Variants in HOXD11 observed in about 807,000 individuals in gnomAD.
HOXD11 encodes homeobox D11.
A neutral mutation model predicts 23.1 loss-of-function variants in HOXD11; 16 were observed. That is an observed-to-expected ratio of 0.69 (90% CI 0.47 to 1.05). HOXD11 has a LOEUF of 1.05. Ranked by LOEUF, HOXD11 falls within the 50% of genes least tolerant of loss-of-function variation. The probability of loss-of-function intolerance (pLI) is 0.00; values close to 1 mark genes in which losing one functional copy is unlikely to be tolerated. For missense variants in HOXD11, 564 were observed against 495.6 expected, an observed-to-expected ratio of 1.14 and a Z score of -1.31; for synonymous variants, 262 against 224.4, an observed-to-expected ratio of 1.17 and a Z score of -1.50.
Position 176,107,816 on chromosome 2 carries a change from C to G in HOXD11, c.461C>G (p.Pro154Arg), listed in dbSNP as rs1475176204. The change falls in exon 1 of 2, where the codon CCG becomes CGG. Residue 154 changes from proline (P) to arginine (R), a missense_variant. Pro to Arg is a moderately radical substitution (Grantham distance 103, BLOSUM62 -2). Transcript: ENST00000249504. ...PEPVCAAPGP[P>R]HGPAGAASNF... The stretch of plus-strand genomic sequence containing the variant: ...CCGGTGTGCGCTGCGCCGGGGCCGC[C>G]GCACGGCCCCGCGGGCGCCGCCTCC... The G allele has an allele frequency of 7.1e-7, 1 of 1,405,354 alleles. No homozygotes were observed. The highest frequency in any genetic ancestry group is 3.2e-5 in the East Asian group (1 of 30,868). The allele number at this position is 1,405,354 out of a possible 1,614,324, so 87.1% of individuals were successfully genotyped here.
Position 176,107,688 on chromosome 2 carries a change from G to C in HOXD11, c.333G>C (p.Ala111=). 1 of 998,772 alleles carries C rather than the reference G, an allele frequency of 1.0e-6. No individual in the cohort carries two copies. Among genetic ancestry groups the C allele is most frequent in the Non-Finnish European group, 1.2e-6 (1 of 841,638 alleles). 61.9% of individuals were successfully genotyped at this position (998,772 alleles called of 1,614,324 possible). A position where few individuals can be genotyped will look rare whatever the true frequency, so the allele number is the denominator to read the frequency against. The change falls in exon 1 of 2, where the codon GCG becomes GCC. Residue 111 remains alanine (A), a synonymous_variant. Transcript: ENST00000249504. Reference sequence around the variant, plus strand: ...ACGCTCCCTACTACGCGGCGGCGGCGGCGGCGGCTGCGGCGGCCGCGGCGG... The same window carrying C: ...ACGCTCCCTACTACGCGGCGGCGGCCGCGGCGGCTGCGGCGGCCGCGGCGG... ...GGYAPYYAAA[A]AAAAAAAAAE... is the part of the protein sequence containing the mutation.
At chr2:176,110,543 A>C (rs144789279), downstream of HOXD11, among the ~76,000 whole-genome samples, 82 of 152,362 alleles carry the variant, frequency 5.4e-4, no homozygotes, top group African/African-American at 1.9e-3. Flanking sequence ...TGCACTTCAA[A>C]ATGCAATTAA....
chr2:176,110,810 A>G (rs1689663234), downstream of HOXD11, among the ~76,000 whole-genome samples: 1 of 152,338 alleles, frequency 6.6e-6, no homozygotes, highest in South Asian at 2.1e-4. Flanking sequence ...TTCAGGATCA[A>G]TAACCTTAAT....
the HOXD11 span, among the ~76,000 whole-genome samples, chr2:176,115,544 C>G: frequency 6.6e-6 from 1 of 152,196 alleles, no homozygotes; most frequent in African/African-American, 2.4e-5. Context: ...TGTGTGGCAA[C>G]AGCGGGCATA....
Position 176,109,659 on chromosome 2 carries a change from A to T in HOXD11, c.*517A>T. The T allele has an allele frequency of 4.8e-6, 1 of 207,606 alleles. No individual in the cohort carries two copies. The highest frequency in any genetic ancestry group is 9.8e-6 in the Non-Finnish European group (1 of 101,984). The allele number at this position is 207,606 out of a possible 1,614,324, so 12.9% of individuals were successfully genotyped here. A position where few individuals can be genotyped will look rare whatever the true frequency, so the allele number is the denominator to read the frequency against. On this transcript the variant is annotated 3_prime_UTR_variant, in exon 2 of 2. Coordinates refer to ENST00000249504, the MANE Select transcript of HOXD11 (RefSeq NM_021192.3). ...AAAATGGAGGTTACAGCTTCAATAC[A>T]CTGTATGAATTCTCCTCTTTGAGGT... is the stretch of plus-strand genomic sequence containing the variant.
rs576094341 is a variant in HOXD11 at position 176,109,199 on chromosome 2, C to T, written c.*57C>T. ...ACTCACCCACCCTCCTTCCCACCAGCCTGCTCTCCGCAGGCCCACTGTCCT... is the reference window on the plus strand; with the variant it reads ...ACTCACCCACCCTCCTTCCCACCAGTCTGCTCTCCGCAGGCCCACTGTCCT... On this transcript the variant is annotated 3_prime_UTR_variant, in exon 2 of 2. Coordinates refer to ENST00000249504, the MANE Select transcript of HOXD11 (RefSeq NM_021192.3). 5.0e-5 allele frequency: 52 copies of T among 1,049,516 alleles called. No homozygotes were observed. The African/African-American group carries it at 6.3e-4, about 13-fold the overall frequency. 65.0% of individuals were successfully genotyped at this position (1,049,516 alleles called of 1,614,324 possible).
downstream of HOXD11, among the ~76,000 whole-genome samples, chr2:176,114,550 T>G (rs993334949): frequency 6.6e-6 from 1 of 152,042 alleles, no homozygotes; most frequent in African/African-American, 2.4e-5. Flanking sequence ...TAAAAGAGGT[T>G]ATTGTTTGGG....
chr2:176,109,401 G>C lies in HOXD11; in HGVS notation c.*259G>C. Reference sequence around the variant, plus strand: ...GTTACAATTTTACCGCCAGTGTGCTGTCGTTCCCCCTCCCCCTCTCCGAGT... The same window carrying C: ...GTTACAATTTTACCGCCAGTGTGCTCTCGTTCCCCCTCCCCCTCTCCGAGT... On this transcript the variant is annotated 3_prime_UTR_variant, in exon 2 of 2. Coordinates refer to ENST00000249504, the MANE Select transcript of HOXD11 (RefSeq NM_021192.3). The C allele has an allele frequency of 2.3e-6, 1 of 434,226 alleles. No individual in the cohort carries two copies. Among genetic ancestry groups the C allele is most frequent in the South Asian group, 3.1e-5 (1 of 31,932 alleles). 26.9% of individuals were successfully genotyped at this position (434,226 alleles called of 1,614,324 possible).
downstream of HOXD11, among the ~76,000 whole-genome samples, chr2:176,111,785 T>TAGGGTTG (rs1227879095): frequency 7.9e-6 from 1 of 126,612 alleles, no homozygotes; most frequent in African/African-American, 3.2e-5. Context: ...GAGCCTTGTC[T>TAGGGTTG]AGGGTTGGAC....
At chr2:176,113,418 G>C (rs542863425), downstream of HOXD11, among the ~76,000 whole-genome samples, 1 of 152,276 alleles carries the variant, frequency 6.6e-6, no homozygotes, top group Non-Finnish European at 1.5e-5. Flanking sequence ...AGGGCGTCTT[G>C]GTACAAATAT....
downstream of HOXD11, among the ~76,000 whole-genome samples, chr2:176,109,971 A>G (rs1378627397): frequency 2.6e-5 from 4 of 152,194 alleles, no homozygotes; most frequent in Admixed American, 1.3e-4. Flanking sequence ...GACAGCAACC[A>G]TTTTTAAAAA....
intron 1 of HOXD11, among the ~76,000 whole-genome samples, chr2:176,108,425 A>T (rs1329402577): frequency 4.1e-5 from 6 of 147,160 alleles, no homozygotes; most frequent in African/African-American, 1.5e-4. Flanking sequence ...AGGGAGGGAG[A>T]TTTCAAGCCA....
At chr2:176,108,243 A>G in intron 1 of HOXD11, 107 bp downstream of exon 1, 1 of 738,492 alleles carries the variant, frequency 1.4e-6, no homozygotes, top group South Asian at 2.9e-5. Flanking sequence ...CTTTATAAGC[A>G]TTCGAAGAGG....
At position 176,109,466 on chromosome 2, in the gene HOXD11, G is replaced by A. The variant is rs1292470453; in HGVS notation, c.*324G>A. On this transcript the variant is annotated 3_prime_UTR_variant, in exon 2 of 2. Transcript: ENST00000249504. Reference sequence around the variant, plus strand: ...GGCGGGGTCTGTAGGAAGTTGGGCCGGGTTGGGGGTTGCTAGAAGGCGCTG... The same window carrying A: ...GGCGGGGTCTGTAGGAAGTTGGGCCAGGTTGGGGGTTGCTAGAAGGCGCTG... 4 of 320,816 alleles carry A rather than the reference G, an allele frequency of 1.2e-5. No homozygotes were observed. Among genetic ancestry groups the A allele is most frequent in the African/African-American group, 2.1e-5 (1 of 48,084 alleles). The allele number at this position is 320,816 out of a possible 1,614,324, so 19.9% of individuals were successfully genotyped here.
downstream of HOXD11, among the ~76,000 whole-genome samples, chr2:176,113,562 G>A (rs1040682076): frequency 6.6e-6 from 1 of 152,120 alleles, no homozygotes; most frequent in African/African-American, 2.4e-5. Flanking sequence ...TGTAGAGCAC[G>A]GCCTTTTTAT....
rs141812814 is a variant in HOXD11 at position 176,107,511 on chromosome 2, T to G, written c.156T>G (p.Ala52=). 5.0e-6 allele frequency: 8 copies of G among 1,613,526 alleles called. No homozygotes were observed. Among genetic ancestry groups the G allele is most frequent in the East Asian group, 4.5e-5 (2 of 44,826 alleles). Residue 52 remains alanine, a synonymous_variant, in exon 1 of 2, where the codon GCT becomes GCG. Transcript: ENST00000249504. The part of the protein sequence containing the change: ...QMTFPYSSNL[A]PHVQPVREVA... Reference sequence around the variant, plus strand: ...CTTTCCCCTACTCTTCCAACCTGGCTCCGCACGTCCAGCCCGTGCGCGAAG... The same window carrying G: ...CTTTCCCCTACTCTTCCAACCTGGCGCCGCACGTCCAGCCCGTGCGCGAAG...
chr2:176,111,239 A>G (rs1049029751), downstream of HOXD11: 2 of 152,194 alleles, frequency 1.3e-5, no homozygotes, highest in African/African-American at 4.8e-5. Context: ...TCAGTGCCCT[A>G]ATAGTGTGAT....
In HOXD11 at chr2:176,108,919, G is replaced by A; in HGVS notation, c.794G>A (p.Arg265Gln). The A allele has an allele frequency of 1.2e-6, 2 of 1,613,550 alleles. No homozygotes were observed. The highest frequency in any genetic ancestry group is 1.7e-6 in the Non-Finnish European group (2 of 1,179,532). Residue 265 changes from arginine (R) to glutamine (Q), a missense_variant, in exon 2 of 2, where the codon CGG (arginine) becomes CAG (glutamine). Coordinates refer to ENST00000249504, the MANE Select transcript of HOXD11 (RefSeq NM_021192.3). Reference protein sequence around the residue: ...EKSSSAVAPQRSRKKRCPYTK... With the variant: ...EKSSSAVAPQQSRKKRCPYTK... ...CTTTGCCTTGCAGTTGCCCCCCAGC[G>A]GTCCCGGAAAAAGCGCTGTCCCTAT...
chr2:176,107,429 C>G lies in HOXD11; in HGVS notation c.74C>G (p.Pro25Arg), dbSNP rs757406284. The change falls in exon 1 of 2, where the codon CCG becomes CGG. Residue 25 changes from proline (P) to arginine (R), a missense_variant. Physicochemically the swap from Pro to Arg is moderately radical, Grantham distance 103 (BLOSUM62 -2). Coordinates refer to ENST00000249504, the MANE Select transcript of HOXD11 (RefSeq NM_021192.3). ...CCGGGCTGCGCCTACTATGTGGCCC[C>G]GTCTGACTTCGCTAGCAAGCCTTCG... is the stretch of plus-strand genomic sequence containing the variant. ...YLPGCAYYVA[P>R]SDFASKPSFL... The G allele has an allele frequency of 2.6e-5, 42 of 1,613,768 alleles. No homozygotes were observed. The highest frequency in any genetic ancestry group is 3.2e-5 in the Non-Finnish European group (38 of 1,179,922).
Sources: gnomAD v4.1 joint callset for allele counts (sites outside exome capture counted in the v4.1 genomes callset) on GRCh38, gnomAD v4.1.1 for gene constraint, MANE v1.5 for transcripts, NCBI Gene and HGNC (gene_info 2026-07-23, HGNC 2026-07-21) for gene names.